Variants in NHSL1 observed in about 807,000 individuals in gnomAD.
NHSL1 encodes NHS-like protein 1.
A neutral mutation model predicts 95.0 loss-of-function variants in NHSL1; 48 were observed. The ratio of observed to expected loss-of-function variants is 0.51; its 90% confidence interval spans 0.40 to 0.64. The LOEUF is 0.64. Among genes scored for constraint, NHSL1 ranks in the 30% least tolerant of loss-of-function variants. The pLI is 0.00. For synonymous variants in NHSL1, 783 were observed against 833.9 expected (o/e 0.94, Z 1.05); for missense variants, 1,971 against 2,077.7 (o/e 0.95, Z 1.00).
rs774853733 is a variant in NHSL1, at chr6:138,442,048, C to T, written c.599G>A (p.Arg200Gln). Residue 200 changes from arginine to glutamine, a missense_variant, in exon 5 of 8, where the codon CGA becomes CAA. Around this residue, in one of 3 missense-constraint regions of NHSL1, gnomAD observed 1,602 missense variants for 1,654.5 expected, o/e 0.97. Transcript: ENST00000343505. Reference sequence around the variant, plus strand: ...CTTTCTCCTTTTGACTTTCTTCGGTCGTCTTACCAGAGTGTCTGTGTAAAT... The same window carrying T: ...CTTTCTCCTTTTGACTTTCTTCGGTTGTCTTACCAGAGTGTCTGTGTAAAT... ...SLIYTDTLVR[R>Q]PKKVKRRKTI... 5.9e-5 allele frequency: 91 copies of T among 1,551,174 alleles called. No homozygotes were observed. The highest frequency in any genetic ancestry group is 2.0e-4 in the East Asian group (8 of 40,916).
rs577860148 is a variant in NHSL1, at chr6:138,428,598, G to A, written c.4085+1113C>T. On this transcript the variant is annotated intron_variant, in intron 7 of 7. Transcript: ENST00000343505. ...TTCTTGACAAGAACATTAATTCACC[G>A]GCTTCGTTCCCCCCACACCAAGTTA... 3.2e-4 allele frequency among the ~76,000 whole-genome samples: 49 copies of A among 152,226 alleles called. 1 individual carries two copies. The South Asian group carries it at 8.9e-3, about 28-fold the overall frequency.
In NHSL1 at chr6:138,430,363, A is replaced by C; in HGVS notation, c.3952+30T>G. The C allele has an allele frequency of 6.9e-7, 1 of 1,448,560 alleles. No homozygotes were observed. The highest frequency in any genetic ancestry group is 9.1e-7 in the Non-Finnish European group (1 of 1,096,898). 89.7% of individuals were successfully genotyped at this position (1,448,560 alleles called of 1,614,324 possible). A position where few individuals can be genotyped will look rare whatever the true frequency, so the allele number is the denominator to read the frequency against. ...TCAGCTGCATATGGGCAGAGGGCAC[A>C]GGAGAGAGAAGCCAGGAAGCCAGAC... On this transcript the variant is annotated intron_variant, in intron 6 of 7. Coordinates refer to ENST00000343505, the MANE Select transcript of NHSL1 (RefSeq NM_001144060.2). The surrounding 1 kb of genome is among the most constrained non-coding windows in gnomAD (Gnocchi z 4.7).
At chr6:138,488,520 C>T (rs1779853812) in intron 2 of NHSL1, among the ~76,000 whole-genome samples, 1 of 152,002 alleles carries the variant, frequency 6.6e-6, no homozygotes, top group Non-Finnish European at 1.5e-5. Flanking sequence ...AAAATAAGCA[C>T]CAAAAGCCAT....
At chr6:138,613,838 C>T (rs1784546016) in intron 1 of NHSL1, among the ~76,000 whole-genome samples, 1 of 152,180 alleles carries the variant, frequency 6.6e-6, no homozygotes, top group Admixed American at 6.5e-5. Flanking sequence ...CGTCGGCCCA[C>T]ATTTAGTGCA....
At chr6:138,597,641 C>T (rs1015278989) in intron 1 of NHSL1, among the ~76,000 whole-genome samples, 4 of 152,156 alleles carry the variant, frequency 2.6e-5, no homozygotes, top group African/African-American at 9.7e-5. Context: ...GAGTCACTAG[C>T]TTTTCATCAT....
chr6:138,458,321 C>T (rs1554227254), intron 3 of NHSL1, among the ~76,000 whole-genome samples: 1 of 152,216 alleles, frequency 6.6e-6, no homozygotes, highest in Non-Finnish European at 1.5e-5. Flanking sequence ...TTACTGCTCT[C>T]TTGTTTTACA....
chr6:138,618,467 A>G (rs1380086604), intron 1 of NHSL1, among the ~76,000 whole-genome samples: 2 of 152,242 alleles, frequency 1.3e-5, no homozygotes, highest in Non-Finnish European at 1.5e-5. Context: ...CACTTTTCAA[A>G]CAAATATACT....
intron 1 of NHSL1, among the ~76,000 whole-genome samples, chr6:138,660,975 C>A (rs1785219317): frequency 6.6e-6 from 1 of 152,088 alleles, no homozygotes; most frequent in African/African-American, 2.4e-5. Context: ...GCCTGTAGTC[C>A]CAGTTGGGAC....
chr6:138,617,396 C>T (rs1784594724), intron 1 of NHSL1, among the ~76,000 whole-genome samples: 1 of 152,126 alleles, frequency 6.6e-6, no homozygotes, highest in African/African-American at 2.4e-5. Context: ...TAATGAAATC[C>T]ACATTACTTC....
chr6:138,496,467 G>T, intron 1 of NHSL1, 96 bp from the exon 2 acceptor site: 1 of 1,253,210 alleles, frequency 8.0e-7, no homozygotes, highest in Non-Finnish European at 1.1e-6. Flanking sequence ...ACATCCACGG[G>T]TAAGGGCCAG....
intron 1 of NHSL1, among the ~76,000 whole-genome samples, chr6:138,567,760 G>C (rs1783673679): frequency 6.6e-6 from 1 of 152,112 alleles, no homozygotes; most frequent in Non-Finnish European, 1.5e-5. Context: ...TAGTGGCTGA[G>C]AAGGGAGGAC....
chr6:138,630,387 T>G (rs1248762198), intron 1 of NHSL1, among the ~76,000 whole-genome samples: 1 of 152,160 alleles, frequency 6.6e-6, no homozygotes, highest in African/African-American at 2.4e-5. Context: ...GTTTCTCGTG[T>G]TTTTTTGTTT....
rs1022474662 is a variant in NHSL1 at position 138,523,645 on chromosome 6, A to C, written c.16+21978T>G. Among the ~76,000 whole-genome samples the C allele has an allele frequency of 2.7e-5, 4 of 148,636 alleles. No individual in the cohort carries two copies. The South Asian group carries it at 8.7e-4, about 32-fold the overall frequency. Reference sequence around the variant, plus strand: ...TAAAGAGGAAAAAAAAAAAAAAAAAAAAAAAAACAGAGCTAAAAGCTCCAG... The same window carrying C: ...TAAAGAGGAAAAAAAAAAAAAAAAACAAAAAAACAGAGCTAAAAGCTCCAG... On this transcript the variant is annotated intron_variant, in intron 1 of 4. Coordinates refer to the NHSL1 transcript ENST00000342260.
At chr6:138,510,523 A>G (rs1781171660) in intron 1 of NHSL1, among the ~76,000 whole-genome samples, 1 of 152,196 alleles carries the variant, frequency 6.6e-6, no homozygotes, top group Non-Finnish European at 1.5e-5. Context: ...AAATTCTCCA[A>G]ACAGCAAAAT....
intron 1 of NHSL1, among the ~76,000 whole-genome samples, chr6:138,565,541 C>T (rs147368839): frequency 4.4e-4 from 67 of 152,232 alleles, no homozygotes; most frequent in African/African-American, 1.6e-3. Context: ...TGAGGGCCTA[C>T]GCTCTATGAG....
intron 1 of NHSL1, among the ~76,000 whole-genome samples, chr6:138,666,007 A>G (rs1457387473): frequency 6.6e-6 from 1 of 152,250 alleles, no homozygotes; most frequent in Non-Finnish European, 1.5e-5. Context: ...GGACACACAC[A>G]GTAAAGAAAG....
At chr6:138,482,370 C>T (rs989648522) in intron 2 of NHSL1, among the ~76,000 whole-genome samples, 4 of 148,376 alleles carry the variant, frequency 2.7e-5, no homozygotes, top group African/African-American at 7.5e-5. Context: ...TGCTTGAACC[C>T]GGGAGGCGGA....
upstream of NHSL1, among the ~76,000 whole-genome samples, chr6:138,572,847 GTAGA>G (rs60380179): frequency 0.22 from 32,989 of 149,764 alleles, 4,175 homozygotes; most frequent in Non-Finnish European, 0.3. Flanking sequence ...GCTTAATACA[GTAGA>G]TAGATAGATA....
chr6:138,429,948 G>A (rs2128194622), intron 6 of NHSL1, 105 bp from the exon 7 acceptor site: 1 of 1,150,746 alleles, frequency 8.7e-7, no homozygotes, highest in East Asian at 2.6e-5. Flanking sequence ...GACAATGTGA[G>A]AACCACAGGG....
Sources: gnomAD v4.1 joint callset for allele counts (sites outside exome capture counted in the v4.1 genomes callset) on GRCh38, gnomAD v4.1.1 for gene constraint, gnomAD v4.1.1 regional missense constraint, Gnocchi (gnomAD v3.1) non-coding constraint, MANE v1.5 for transcripts, NCBI Gene and HGNC (gene_info 2026-07-23, HGNC 2026-07-21) for gene names.